Variants in ROBO2 observed in about 807,000 individuals in gnomAD.
ROBO2 encodes roundabout homolog 2.
In ROBO2, 53 loss-of-function variants were observed where a neutral mutation model predicts 160.8. The observed-to-expected ratio is 0.33, with a 90% CI of 0.26 to 0.41. The LOEUF (loss-of-function observed/expected upper bound fraction) is 0.41, where lower values mean the gene tolerates loss of function less well. Ranked by LOEUF, ROBO2 falls within the 10% of genes least tolerant of loss-of-function variation. The pLI is 1.00. For missense variants in ROBO2, 1,577 were observed against 1,722.4 expected (o/e 0.92, Z 1.49); for synonymous variants, 664 against 611.7 (o/e 1.09, Z -1.26).
intron 22 of ROBO2, among the ~76,000 whole-genome samples, chr3:77,620,223 T>TG: frequency 6.6e-6 from 1 of 152,242 alleles, no homozygotes; most frequent in Middle Eastern, 3.4e-3. Context: ...ACCATCTGGG[T>TG]AGCACATCAA....
At chr3:75,988,145 G>A (rs1304770630) in intron 2 of ROBO2, among the ~76,000 whole-genome samples, 1 of 151,988 alleles carries the variant, frequency 6.6e-6, no homozygotes, top group Non-Finnish European at 1.5e-5. Flanking sequence ...ATTCAGCAGT[G>A]AAGCTGTCAG....
chr3:76,699,024 T>C (rs183303485), intron 2 of ROBO2, among the ~76,000 whole-genome samples: 71 of 152,328 alleles, frequency 4.7e-4, no homozygotes, highest in Admixed American at 5.9e-4. Flanking sequence ...GACATCTTTC[T>C]GATTTCTTAC....
chr3:76,894,104 A>T (rs1258352902), intron 2 of ROBO2, among the ~76,000 whole-genome samples: 1 of 152,074 alleles, frequency 6.6e-6, no homozygotes, highest in Non-Finnish European at 1.5e-5. Context: ...GTACTTTGTT[A>T]TTCAGGTAGT....
At chr3:76,973,771 A>T (rs2059683617) in intron 2 of ROBO2, among the ~76,000 whole-genome samples, 1 of 152,194 alleles carries the variant, frequency 6.6e-6, no homozygotes, top group African/African-American at 2.4e-5. Context: ...AAGATAATAA[A>T]AGATGAATTA....
At chr3:76,879,065 A>G (rs1016806375) in intron 2 of ROBO2, among the ~76,000 whole-genome samples, 2 of 152,192 alleles carry the variant, frequency 1.3e-5, no homozygotes, top group Non-Finnish European at 2.9e-5. Context: ...GTAAATGTCA[A>G]TCGGAGAAAC....
chr3:76,608,742 T>C (rs2109046325), intron 2 of ROBO2, among the ~76,000 whole-genome samples: 1 of 152,312 alleles, frequency 6.6e-6, no homozygotes, highest in African/African-American at 2.4e-5. Flanking sequence ...GATTTTATTT[T>C]CCTATGTGGT....
intron 2 of ROBO2, among the ~76,000 whole-genome samples, chr3:76,884,254 T>A (rs746873435): frequency 9.2e-5 from 14 of 152,184 alleles, no homozygotes; most frequent in Non-Finnish European, 1.8e-4. Flanking sequence ...TGGAATAACA[T>A]CTATTTTGAG....
chr3:76,040,970 C>T (rs905801004), intron 2 of ROBO2, among the ~76,000 whole-genome samples: 6 of 152,096 alleles, frequency 3.9e-5, no homozygotes, highest in South Asian at 2.1e-4. Context: ...GCCTGGGTGA[C>T]AGAGTGAGAC....
intron 2 of ROBO2, among the ~76,000 whole-genome samples, chr3:76,687,614 G>A (rs1394278663): frequency 6.6e-6 from 1 of 151,852 alleles, no homozygotes; most frequent in Non-Finnish European, 1.5e-5. Flanking sequence ...TAACAGAACA[G>A]AACAACAATA....
chr3:77,395,058 T>C (rs2075133973), intron 2 of ROBO2, among the ~76,000 whole-genome samples: 1 of 152,162 alleles, frequency 6.6e-6, no homozygotes, highest in Non-Finnish European at 1.5e-5. Flanking sequence ...CTCTTGCTAT[T>C]TGAATTTTAT....
At chr3:76,035,196 T>TG (rs2107732120) in intron 2 of ROBO2, among the ~76,000 whole-genome samples, 1 of 151,816 alleles carries the variant, frequency 6.6e-6, no homozygotes, top group East Asian at 1.9e-4. Flanking sequence ...TATCTTTTTT[T>TG]TTTTTTTTCT....
At chr3:77,018,956 A>G (rs1009399138) in intron 2 of ROBO2, among the ~76,000 whole-genome samples, 5 of 152,192 alleles carry the variant, frequency 3.3e-5, no homozygotes, top group Non-Finnish European at 5.9e-5. Flanking sequence ...CTGAATTACC[A>G]TGAAAAAACA....
At chr3:76,273,002 A>ATT (rs1559706891) in intron 2 of ROBO2, among the ~76,000 whole-genome samples, 1 of 94,036 alleles carries the variant, frequency 1.1e-5, no homozygotes, top group African/African-American at 4.3e-5. Context: ...TATAATTTAT[A>ATT]TATAAAAATA....
intron 2 of ROBO2, among the ~76,000 whole-genome samples, chr3:76,320,852 C>G (rs1473795702): frequency 6.6e-6 from 1 of 152,112 alleles, no homozygotes; most frequent in African/African-American, 2.4e-5. Flanking sequence ...TACTGATTGC[C>G]TATTTCCATT....
At chr3:76,314,890 G>A (rs2107812820) in intron 2 of ROBO2, among the ~76,000 whole-genome samples, 1 of 152,178 alleles carries the variant, frequency 6.6e-6, no homozygotes, top group East Asian at 1.9e-4. Context: ...TCTAACCCCT[G>A]TGTTGTTCAA....
intron 2 of ROBO2, among the ~76,000 whole-genome samples, chr3:77,410,057 T>C (rs1010616292): frequency 1.3e-5 from 2 of 152,232 alleles, no homozygotes; most frequent in Non-Finnish European, 2.9e-5. Flanking sequence ...GTAAATTGCA[T>C]GCAATAACTA....
At chr3:76,680,799 A>G (rs1575920636) in intron 2 of ROBO2, among the ~76,000 whole-genome samples, 1 of 152,128 alleles carries the variant, frequency 6.6e-6, no homozygotes, top group East Asian at 1.9e-4. Flanking sequence ...TTTTTGAGAC[A>G]GGGTCTCACT....
chr3:76,671,981 T>A (rs1321775639), intron 2 of ROBO2, among the ~76,000 whole-genome samples: 1 of 152,106 alleles, frequency 6.6e-6, no homozygotes, highest in Non-Finnish European at 1.5e-5. Flanking sequence ...TAAACTATGG[T>A]TTCTGCCCTC....
intron 2 of ROBO2, among the ~76,000 whole-genome samples, chr3:76,477,427 T>C (rs2078985559): frequency 6.6e-6 from 1 of 152,112 alleles, no homozygotes; most frequent in Non-Finnish European, 1.5e-5. Context: ...AGCATAAGAA[T>C]ATGACAGTTG....
Sources: allele counts gnomAD v4.1 joint callset (sites outside exome capture counted in the v4.1 genomes callset), GRCh38; gene constraint gnomAD v4.1.1; transcripts MANE v1.5; gene names NCBI Gene and HGNC (gene_info 2026-07-23, HGNC 2026-07-21).